ST8SIA4: variants seen among roughly 807,000 people sequenced by gnomAD.
The protein encoded by ST8SIA4 is ST8 alpha-N-acetyl-neuraminide alpha-2,8-sialyltransferase 4, also known as CMP-N-acetylneuraminate-poly-alpha-2,8-sialyltransferase.
In ST8SIA4, 15 loss-of-function variants were observed where a neutral mutation model predicts 33.9. The ratio of observed to expected loss-of-function variants is 0.44; its 90% CI spans 0.30 to 0.68. The LOEUF (loss-of-function observed/expected upper bound fraction) is 0.68. Ranked by LOEUF, ST8SIA4 falls within the 30% of genes least tolerant of loss-of-function variation. The pLI, the probability that ST8SIA4 is intolerant of heterozygous loss-of-function variation, is 0.10. For missense variants in ST8SIA4, 321 were observed against 428.0 expected, an observed-to-expected ratio of 0.75 and a Z score of 2.21; for synonymous variants, 171 against 151.2, an observed-to-expected ratio of 1.13 and a Z score of -0.96.
At chr5:100,899,100 G>A (rs1434280419) in intron 1 of ST8SIA4, among the ~76,000 whole-genome samples, 1 of 152,058 alleles carries the variant, frequency 6.6e-6, no homozygotes, top group Non-Finnish European at 1.5e-5. Context: ...TTCACTTCAT[G>A]GTATTAGGTC....
intron 4 of ST8SIA4, among the ~76,000 whole-genome samples, chr5:100,828,263 T>C (rs955332306): frequency 6.6e-6 from 1 of 152,170 alleles, no homozygotes; most frequent in African/African-American, 2.4e-5. Context: ...TGATGAGTAA[T>C]AAATTGATAC....
intron 4 of ST8SIA4, among the ~76,000 whole-genome samples, chr5:100,820,433 C>G (rs1359723170): frequency 6.6e-6 from 1 of 152,068 alleles, no homozygotes; most frequent in Non-Finnish European, 1.5e-5. Flanking sequence ...TTTCTCCTAA[C>G]AAATTCATAA....
At chr5:100,863,648 T>A (rs1011918868) in intron 3 of ST8SIA4, among the ~76,000 whole-genome samples, 1 of 151,916 alleles carries the variant, frequency 6.6e-6, no homozygotes, top group Admixed American at 6.5e-5. Flanking sequence ...AATAAAAAAA[T>A]CTTCTTTAGC....
chr5:100,815,372 A>C (rs1750893066), intron 4 of ST8SIA4, among the ~76,000 whole-genome samples: 1 of 151,760 alleles, frequency 6.6e-6, no homozygotes, highest in South Asian at 2.1e-4. Flanking sequence ...TTCATCAGAG[A>C]GGTTATGTTT....
intron 4 of ST8SIA4, among the ~76,000 whole-genome samples, chr5:100,842,113 T>A (rs1751482823): frequency 6.6e-6 from 1 of 151,942 alleles, no homozygotes; most frequent in East Asian, 1.9e-4. Flanking sequence ...TCAATAGAAT[T>A]TTTTAATGAA....
intron 3 of ST8SIA4, among the ~76,000 whole-genome samples, chr5:100,869,900 A>G (rs1752159369): frequency 1.3e-5 from 2 of 152,308 alleles, no homozygotes; most frequent in South Asian, 4.1e-4. Flanking sequence ...CACAACGTGC[A>G]GGTTTGTTAC....
intron 4 of ST8SIA4, among the ~76,000 whole-genome samples, chr5:100,853,896 T>C (rs773900600): frequency 8.5e-5 from 13 of 152,170 alleles, no homozygotes; most frequent in Admixed American, 3.3e-4. Flanking sequence ...AGTTTTCTCA[T>C]TAGTTTTCCA....
chr5:100,851,020 C>T (rs1751686454), intron 4 of ST8SIA4, among the ~76,000 whole-genome samples: 1 of 130,204 alleles, frequency 7.7e-6, no homozygotes. Context: ...AGTGCAGTGG[C>T]ATGATCTCAA....
At chr5:100,836,248 A>G (rs1751360392) in intron 4 of ST8SIA4, among the ~76,000 whole-genome samples, 1 of 152,078 alleles carries the variant, frequency 6.6e-6, no homozygotes, top group East Asian at 1.9e-4. Flanking sequence ...AGACACTCTT[A>G]ATAATCTTAT....
rs1419732645 is a variant in ST8SIA4 at position 100,809,779 on chromosome 5, TG to T, written c.*2067del. 6.6e-6 allele frequency: 1 copy of T among 152,230 alleles called. No homozygotes were observed. The highest frequency in any genetic ancestry group is 2.4e-5 in the African/African-American group (1 of 41,470). 9.4% of individuals were successfully genotyped at this position (152,230 alleles called of 1,614,324 possible). On this transcript the variant is annotated 3_prime_UTR_variant, in exon 5 of 5. Transcript: ENST00000231461. The stretch of plus-strand genomic sequence containing the variant: ...AGGTTTAATTATAAAAGTACATTAA[TG>T]TTCCATTCATTTTTAGCTATCAGTC...
intron 1 of ST8SIA4, among the ~76,000 whole-genome samples, chr5:100,896,578 G>A (rs1752784636): frequency 6.6e-6 from 1 of 152,036 alleles, no homozygotes; most frequent in Admixed American, 6.6e-5. Context: ...GATTTTAAAT[G>A]TTCACACTAC....
chr5:100,848,220 C>T (rs1751608981), intron 4 of ST8SIA4, among the ~76,000 whole-genome samples: 1 of 151,572 alleles, frequency 6.6e-6, no homozygotes, highest in Non-Finnish European at 1.5e-5. Flanking sequence ...TCCTAAGTGA[C>T]CACAGTTGAA....
At chr5:100,891,793 A>T (rs965199482) in intron 2 of ST8SIA4, among the ~76,000 whole-genome samples, 1 of 152,186 alleles carries the variant, frequency 6.6e-6, no homozygotes. Flanking sequence ...CTGGTTCCTC[A>T]GTCAGGAGGT....
At chr5:100,853,729 A>G (rs2112437172) in intron 4 of ST8SIA4, among the ~76,000 whole-genome samples, 1 of 152,324 alleles carries the variant, frequency 6.6e-6, no homozygotes, top group South Asian at 2.1e-4. Context: ...ACCCATGTGT[A>G]TTCACTGTTA....
At position 100,902,951 on chromosome 5, in the gene ST8SIA4, C is replaced by G. The variant is rs1056437324; in HGVS notation, c.5G>C (p.Arg2Pro). 5.6e-6 allele frequency: 9 copies of G among 1,613,896 alleles called. No individual in the cohort carries two copies. The highest frequency in any genetic ancestry group is 7.6e-6 in the Non-Finnish European group (9 of 1,179,814). Residue 2 changes from arginine (R) to proline (P), a missense_variant, in exon 1 of 5, where the codon CGC becomes CCC. By Grantham distance (103) the Arg-to-Pro change is moderately radical (BLOSUM62 -2). Transcript: ENST00000231461. MRSIRKRWTICT... is the reference protein window; with the variant it reads MPSIRKRWTICT... ...GATCGTCCACCTCTTCCTAATGGAG[C>G]GCATCTTGGGTGCCCGAGAAAGTCC...
At chr5:100,891,825 G>A (rs901621656) in intron 2 of ST8SIA4, among the ~76,000 whole-genome samples, 3 of 152,012 alleles carry the variant, frequency 2.0e-5, no homozygotes, top group Non-Finnish European at 2.9e-5. Flanking sequence ...TCTTGACACT[G>A]CCACTAATAA....
chr5:100,866,257 A>G (rs569746032), intron 3 of ST8SIA4, among the ~76,000 whole-genome samples: 1 of 152,206 alleles, frequency 6.6e-6, no homozygotes, highest in South Asian at 2.1e-4. Flanking sequence ...AAACATATCT[A>G]TTTTCTCTTT....
intron 3 of ST8SIA4, among the ~76,000 whole-genome samples, chr5:100,863,417 T>C (rs142342497): frequency 3.9e-5 from 6 of 152,278 alleles, no homozygotes; most frequent in Non-Finnish European, 8.8e-5. Flanking sequence ...TGAATTCAAA[T>C]CAAGACTCTT....
intron 2 of ST8SIA4, among the ~76,000 whole-genome samples, chr5:100,887,760 T>C (rs932794696): frequency 1.3e-5 from 2 of 152,048 alleles, no homozygotes; most frequent in African/African-American, 2.4e-5. Context: ...TTGTTTAAAA[T>C]GTGTCTGTAT....
Sources: allele counts gnomAD v4.1 joint callset (sites outside exome capture counted in the v4.1 genomes callset), GRCh38; gene constraint gnomAD v4.1.1; transcripts MANE v1.5; gene names NCBI Gene and HGNC (gene_info 2026-07-23, HGNC 2026-07-21).